ST6GAL1: variants seen among roughly 807,000 people sequenced by gnomAD.
ST6GAL1 encodes the protein beta-galactoside alpha-2,6-sialyltransferase 1.
In ST6GAL1, 20 loss-of-function variants were observed where a neutral mutation model predicts 38.0. The observed-to-expected ratio is 0.53, with a 90% CI of 0.37 to 0.77. ST6GAL1 has a LOEUF of 0.77. Among genes scored for constraint, ST6GAL1 ranks in the 30% least tolerant of loss-of-function variants. ST6GAL1 has a pLI of 0.00. For synonymous variants in ST6GAL1, 196 were observed against 188.2 expected, an observed-to-expected ratio of 1.04 and a Z score of -0.34; for missense variants, 432 against 496.4, an observed-to-expected ratio of 0.87 and a Z score of 1.23.
intron 4 of ST6GAL1, among the ~76,000 whole-genome samples, chr3:187,050,542 G>GAGAT (rs1553833076): frequency 9.0e-6 from 1 of 110,606 alleles, no homozygotes; most frequent in East Asian, 2.3e-4. Flanking sequence ...GAAAGAGAGA[G>GAGAT]AGAGAGAGAG....
chr3:187,068,274 G>A (rs1266318639), intron 5 of ST6GAL1, among the ~76,000 whole-genome samples: 9 of 151,218 alleles, frequency 6.0e-5, no homozygotes, highest in East Asian at 1.9e-4. Flanking sequence ...CCTGGGTGGC[G>A]GAGGTTGCAG....
At chr3:186,933,603 G>A (rs1713839182) in intron 1 of ST6GAL1, among the ~76,000 whole-genome samples, 1 of 152,224 alleles carries the variant, frequency 6.6e-6, no homozygotes, top group Admixed American at 6.5e-5. Flanking sequence ...CCAGGACGCT[G>A]ACCCTGTAAG....
intron 1 of ST6GAL1, among the ~76,000 whole-genome samples, chr3:186,955,944 C>T (rs1231558599): frequency 3.3e-5 from 5 of 152,086 alleles, no homozygotes; most frequent in Non-Finnish European, 7.3e-5. Context: ...TCGCTCTCTG[C>T]TTGTGTTTTG....
rs185619201 is a variant in ST6GAL1, at chr3:187,072,465, A to G, written c.706-384A>G. 136 of 330,222 alleles carry G rather than the reference A, an allele frequency of 4.1e-4. 3 individuals carry two copies. The highest frequency in any genetic ancestry group is 7.1e-4 in the Admixed American group (17 of 24,028). 20.5% of individuals were successfully genotyped at this position (330,222 alleles called of 1,614,324 possible). ...GTGTACTGGACTCTCTAGGTGATTGAAAGGATTCCAGAGATAATTTTGATT... is the reference window on the plus strand; with the variant it reads ...GTGTACTGGACTCTCTAGGTGATTGGAAGGATTCCAGAGATAATTTTGATT... On this transcript the variant is annotated intron_variant, in intron 5 of 7. Coordinates refer to ENST00000169298, the MANE Select transcript of ST6GAL1 (RefSeq NM_173216.2).
intron 2 of ST6GAL1, among the ~76,000 whole-genome samples, chr3:186,970,252 T>C (rs1715303620): frequency 6.7e-6 from 1 of 149,838 alleles, no homozygotes; most frequent in Non-Finnish European, 1.5e-5. Flanking sequence ...TTGCACTCTG[T>C]CACCCAGGCT....
chr3:187,064,674 T>C (rs1719035553), intron 5 of ST6GAL1: 1 of 454,440 alleles, frequency 2.2e-6, no homozygotes, highest in Non-Finnish European at 4.4e-6. Context: ...TGGCTGTTCC[T>C]TTCGTACTCG....
Position 186,970,381 on chromosome 3 carries a change from A to AT in ST6GAL1, c.-183+6470dup, listed in dbSNP as rs34837598. Among the ~76,000 whole-genome samples the AT allele has an allele frequency of 2.0e-3, 278 of 141,742 alleles. 2 individuals carry two copies. The highest frequency in any genetic ancestry group is 3.8e-3 in the African/African-American group (146 of 38,618). 93.0% of individuals were successfully genotyped at this position (141,742 alleles called of 152,430 possible). On this transcript the variant is annotated intron_variant, in intron 2 of 7. Transcript: ENST00000169298. ...AGGTGCCTGCCACCACGCCCGGCAAATTTTTTTTTTTTTTTGTATTTTTAG... is the reference window on the plus strand; with the variant it reads ...AGGTGCCTGCCACCACGCCCGGCAAATTTTTTTTTTTTTTTTGTATTTTTAG...
chr3:187,056,192 A>T (rs1282065489), intron 5 of ST6GAL1, among the ~76,000 whole-genome samples: 2 of 151,986 alleles, frequency 1.3e-5, no homozygotes, highest in East Asian at 3.9e-4. Context: ...TTTTGAGCCT[A>T]TGTGTGTCTC....
In ST6GAL1 at chr3:187,076,181, T is replaced by C. The variant is rs1719555175; in HGVS notation, c.*378T>C. On this transcript the variant is annotated 3_prime_UTR_variant, in exon 8 of 8. Coordinates refer to ENST00000169298, the MANE Select transcript of ST6GAL1 (RefSeq NM_173216.2). ...CTCACAAACCAATGCTCTATATTGC[T>C]TGAAGTCTGCATCTAAATATTGATT... The C allele has an allele frequency of 5.0e-6, 1 of 200,508 alleles. No individual in the cohort carries two copies. The highest frequency in any genetic ancestry group is 1.0e-5 in the Non-Finnish European group (1 of 98,344). 12.4% of individuals were successfully genotyped at this position (200,508 alleles called of 1,614,324 possible). A position where few individuals can be genotyped will look rare whatever the true frequency, so the allele number is the denominator to read the frequency against.
At chr3:186,933,022 C>T (rs746857344) in intron 1 of ST6GAL1, among the ~76,000 whole-genome samples, 1 of 152,242 alleles carries the variant, frequency 6.6e-6, no homozygotes, top group South Asian at 2.1e-4. Context: ...GAAACCCCCA[C>T]CTCCAGGCCA....
chr3:186,986,781 GCGAT>G (rs1268917073), intron 2 of ST6GAL1: 1 of 152,144 alleles, frequency 6.6e-6, no homozygotes, highest in East Asian at 1.9e-4. Flanking sequence ...CCCCAGACTT[GCGAT>G]CAGAAGAACC....
Position 187,072,545 on chromosome 3 carries a change from T to TCCAGGAGGCTGGGATGCC in ST6GAL1, c.706-303_706-286dup. 1.1e-5 allele frequency: 4 copies of TCCAGGAGGCTGGGATGCC among 369,314 alleles called. 1 individual carries two copies. The highest frequency in any genetic ancestry group is 4.4e-5 in the South Asian group (2 of 45,774). 22.9% of individuals were successfully genotyped at this position (369,314 alleles called of 1,614,324 possible). On this transcript the variant is annotated intron_variant, in intron 5 of 7. Transcript: ENST00000169298. Reference sequence around the variant, plus strand: ...TTGTGACCACCACACAAGCTGTGACTCCAGGAGGCTGGGATGCCGTGCTAT... The same window carrying TCCAGGAGGCTGGGATGCC: ...TTGTGACCACCACACAAGCTGTGACTCCAGGAGGCTGGGATGCCCCAGGAGGCTGGGATGCCGTGCTAT...
chr3:187,058,586 A>G (rs916675846), intron 5 of ST6GAL1, among the ~76,000 whole-genome samples: 1 of 151,658 alleles, frequency 6.6e-6, no homozygotes, highest in African/African-American at 2.4e-5. Flanking sequence ...GGTGCTTCCA[A>G]TGCCTGTTTG....
At chr3:186,958,667 A>C (rs9799068) in intron 1 of ST6GAL1, among the ~76,000 whole-genome samples, 112,861 of 152,054 alleles carry the variant, frequency 0.74, 45,142 homozygotes, top group Non-Finnish European at 0.89. Context: ...AAAGGGCTCA[A>C]TGTGCCGGGT....
intron 1 of ST6GAL1, among the ~76,000 whole-genome samples, chr3:186,934,792 C>T (rs947291880): frequency 8.0e-5 from 12 of 149,830 alleles, no homozygotes; most frequent in Non-Finnish European, 1.5e-4. Context: ...TTTCAGATGG[C>T]GTCTCGCTCT....
chr3:187,034,465 C>T (rs1560170048), intron 2 of ST6GAL1, among the ~76,000 whole-genome samples: 1 of 152,118 alleles, frequency 6.6e-6, no homozygotes, highest in Non-Finnish European at 1.5e-5. Context: ...AAGAAAACCG[C>T]AGGCCAATAT....
chr3:187,055,054 A>C (rs983600218), intron 5 of ST6GAL1, among the ~76,000 whole-genome samples: 2 of 151,892 alleles, frequency 1.3e-5, no homozygotes, highest in African/African-American at 4.8e-5. Context: ...GAATTTATCC[A>C]TTTCTTCTAG....
At chr3:186,962,094 C>T (rs889605047) in intron 1 of ST6GAL1, among the ~76,000 whole-genome samples, 34 of 152,158 alleles carry the variant, frequency 2.2e-4, no homozygotes, top group African/African-American at 7.7e-4. Flanking sequence ...GTTCTTTTTC[C>T]GTCTCACCAG....
At chr3:187,010,772 T>C (rs1716928112) in intron 2 of ST6GAL1, among the ~76,000 whole-genome samples, 4 of 152,356 alleles carry the variant, frequency 2.6e-5, no homozygotes, top group South Asian at 4.1e-4. Flanking sequence ...ATTAGTCTGA[T>C]TGATAACGCC....
Sources: gnomAD v4.1 joint callset for allele counts (sites outside exome capture counted in the v4.1 genomes callset) on GRCh38, gnomAD v4.1.1 for gene constraint, MANE v1.5 for transcripts, NCBI Gene and HGNC (gene_info 2026-07-23, HGNC 2026-07-21) for gene names.